Variants in MITF observed in about 807,000 individuals in gnomAD.
MITF encodes melanocyte inducing transcription factor.
In MITF, 17 loss-of-function variants were observed where a neutral mutation model predicts 60.5. The ratio of observed to expected loss-of-function variants is 0.28; its 90% CI spans 0.19 to 0.42. The LOEUF is 0.42. MITF is among the 10% of genes least tolerant of loss of function. MITF has a pLI of 1.00. For synonymous variants in MITF, 260 were observed against 248.5 expected (o/e 1.05, Z -0.43); for missense variants, 622 against 683.5 (o/e 0.91, Z 1.00).
chr3:69,925,997 T>C (rs932631104), intron 2 of MITF, among the ~76,000 whole-genome samples: 1 of 152,352 alleles, frequency 6.6e-6, no homozygotes, highest in Non-Finnish European at 1.5e-5. Flanking sequence ...AATCAGGGCC[T>C]GTGCTTTAGT....
chr3:69,786,477 G>A (rs892413982), intron 1 of MITF, among the ~76,000 whole-genome samples: 4 of 151,916 alleles, frequency 2.6e-5, no homozygotes, highest in Non-Finnish European at 4.4e-5. Flanking sequence ...AGTTAACATC[G>A]TAAAATGAAT....
intron 1 of MITF, among the ~76,000 whole-genome samples, chr3:69,779,947 A>G (rs562634956): frequency 2.3e-4 from 35 of 152,300 alleles, no homozygotes; most frequent in African/African-American, 8.2e-4. Flanking sequence ...CATGGAAGCT[A>G]GGACACCTTT....
At position 69,834,875 on chromosome 3, in the gene MITF, TC is replaced by T. The variant is rs534890610; in HGVS notation, c.105-44258del. Among the ~76,000 whole-genome samples the T allele has an allele frequency of 1.0e-4, 15 of 148,018 alleles. No individual in the cohort carries two copies. The East Asian group carries it at 1.7e-3, about 17-fold the overall frequency. ...TTTTTTTTTTTTTGATAGTAGCCATTCTAACTGGAGTGAGGTAGTATCTCCC... is the reference window on the plus strand; with the variant it reads ...TTTTTTTTTTTTTGATAGTAGCCATTTAACTGGAGTGAGGTAGTATCTCCC... On this transcript the variant is annotated intron_variant, in intron 1 of 9. Transcript: ENST00000352241.
chr3:69,882,386 T>C (rs931829741), intron 2 of MITF, among the ~76,000 whole-genome samples: 1 of 152,178 alleles, frequency 6.6e-6, no homozygotes, highest in African/African-American at 2.4e-5. Context: ...ATGAGTCTTA[T>C]TGCTATATAT....
At chr3:69,900,823 C>T (rs1225453673) in intron 2 of MITF, among the ~76,000 whole-genome samples, 21 of 152,032 alleles carry the variant, frequency 1.4e-4, no homozygotes, top group Admixed American at 1.4e-3. Context: ...GTGATTATAC[C>T]ATGTCTATTT....
intron 1 of MITF, among the ~76,000 whole-genome samples, chr3:69,853,103 C>G (rs1575820911): frequency 6.6e-6 from 1 of 152,012 alleles, no homozygotes; most frequent in African/African-American, 2.4e-5. Flanking sequence ...TGCCTGAAAA[C>G]AGCAAAATCG....
chr3:69,936,649 A>G, intron 2 of MITF: 1 of 1,603,642 alleles, frequency 6.2e-7, no homozygotes, highest in Non-Finnish European at 8.5e-7. Context: ...CCATCTTCAA[A>G]TTGGAATTAT....
At chr3:69,828,423 G>C (rs1395480300) in intron 1 of MITF, among the ~76,000 whole-genome samples, 1 of 152,006 alleles carries the variant, frequency 6.6e-6, no homozygotes, top group Non-Finnish European at 1.5e-5. Flanking sequence ...TATTTAGCTT[G>C]TATAGGATGA....
At chr3:69,941,366 A>C (rs763630872) in intron 5 of MITF, 35 bp downstream of exon 5, 1 of 1,337,944 alleles carries the variant, frequency 7.5e-7, no homozygotes, top group Non-Finnish European at 1.1e-6. Flanking sequence ...GAAAATCTTG[A>C]GGTGTTTCCA....
intron 2 of MITF, among the ~76,000 whole-genome samples, chr3:69,915,765 G>GCCTGCT (rs762211279): frequency 2.6e-5 from 4 of 152,184 alleles, no homozygotes; most frequent in Admixed American, 1.3e-4. Context: ...AGCAATGGAA[G>GCCTGCT]CCTGCTTCTC....
intron 1 of MITF, among the ~76,000 whole-genome samples, chr3:69,758,012 TGTGTGTGTGTGTGTGTG>T (rs2062154345): frequency 2.1e-5 from 2 of 93,354 alleles, no homozygotes; most frequent in South Asian, 8.2e-4. Flanking sequence ...TGTGTGTGTG[TGTGTGTGTGTGTGTGTG>T]TGTGTGTGTG....
chr3:69,884,408 A>T (rs1392880440), intron 2 of MITF, among the ~76,000 whole-genome samples: 1 of 152,154 alleles, frequency 6.6e-6, no homozygotes, highest in Middle Eastern at 3.2e-3. Context: ...GAACAAAAAA[A>T]TGTATAATTT....
At chr3:69,910,350 C>T (rs2065196614) in intron 2 of MITF, among the ~76,000 whole-genome samples, 2 of 152,228 alleles carry the variant, frequency 1.3e-5, no homozygotes, top group South Asian at 4.1e-4. Flanking sequence ...TGGAGAACCT[C>T]TGCTAGGGCA....
At chr3:69,792,029 A>G in intron 1 of MITF, among the ~76,000 whole-genome samples, 1 of 152,188 alleles carries the variant, frequency 6.6e-6, no homozygotes, top group East Asian at 1.9e-4. Flanking sequence ...GTAGAGACGG[A>G]TGTGCTGAAT....
chr3:69,874,012 G>C (rs2064296329), intron 1 of MITF, among the ~76,000 whole-genome samples: 1 of 152,118 alleles, frequency 6.6e-6, no homozygotes, highest in African/African-American at 2.4e-5. Context: ...ACCCATACAT[G>C]ACATAGGTTT....
intron 1 of MITF, among the ~76,000 whole-genome samples, chr3:69,846,895 A>T (rs1486443198): frequency 6.6e-6 from 1 of 151,928 alleles, no homozygotes. Context: ...AATCCCAGAG[A>T]TTAATGACAA....
At chr3:69,908,084 G>GCC (rs200963383) in intron 2 of MITF, among the ~76,000 whole-genome samples, 2,329 of 152,170 alleles carry the variant, frequency 0.015, 29 homozygotes, top group Middle Eastern at 0.051. Context: ...ACCTTATGGG[G>GCC]CTTTTGCCTT....
At chr3:69,841,668 C>G (rs2063638679) in intron 1 of MITF, among the ~76,000 whole-genome samples, 1 of 152,198 alleles carries the variant, frequency 6.6e-6, no homozygotes, top group Admixed American at 6.5e-5. Flanking sequence ...CATGCACTAT[C>G]TTAAATTAAT....
chr3:69,890,682 C>T (rs2107317330), intron 2 of MITF, among the ~76,000 whole-genome samples: 1 of 152,210 alleles, frequency 6.6e-6, no homozygotes, highest in East Asian at 1.9e-4. Context: ...GCTCATAATG[C>T]AATGAAACAG....
Sources: gnomAD v4.1 joint callset for allele counts (sites outside exome capture counted in the v4.1 genomes callset) on GRCh38, gnomAD v4.1.1 for gene constraint, MANE v1.5 for transcripts, NCBI Gene and HGNC (gene_info 2026-07-23, HGNC 2026-07-21) for gene names.